Variants in CTSA observed in about 807,000 individuals in gnomAD.
CTSA encodes cathepsin A.
CTSA carries 42 observed loss-of-function variants against 66.7 expected under a neutral mutation model. That is an observed-to-expected ratio of 0.63 (90% CI 0.49 to 0.81). The LOEUF (loss-of-function observed/expected upper bound fraction) is 0.81. CTSA is among the 40% of genes least tolerant of loss of function. The pLI, the probability that CTSA is intolerant of heterozygous loss-of-function variation, is 0.00. For synonymous variants in CTSA, 225 were observed against 248.6 expected, an observed-to-expected ratio of 0.91 and a Z score of 0.89; for missense variants, 525 against 610.9, an observed-to-expected ratio of 0.86 and a Z score of 1.48.
In CTSA at chr20:45,894,834, A is replaced by G; in HGVS notation, c.881A>G (p.Asp294Gly). The G allele has an allele frequency of 3.1e-6, 5 of 1,614,108 alleles. No individual in the cohort carries two copies. Among genetic ancestry groups the G allele is most frequent in the Non-Finnish European group, 3.4e-6 (4 of 1,180,018 alleles). The change falls in exon 10 of 15, where the codon GAC becomes GGC. Residue 294 changes from aspartate (D) to glycine (G), a missense_variant. Transcript: ENST00000646241. ...ACCTCACATTGCAGGTATGAGAAGG[A>G]CACTGTTGTGGTCCAGGATTTGGGC... is the stretch of plus-strand genomic sequence containing the variant. Reference protein sequence around the residue: ...GVPSHFRYEKDTVVVQDLGNI... With the variant: ...GVPSHFRYEKGTVVVQDLGNI...
At chr20:45,892,563 C>T in intron 5 of CTSA, 79 bp downstream of exon 5, 2 of 1,531,116 alleles carry the variant, frequency 1.3e-6, no homozygotes, top group Non-Finnish European at 1.8e-6. Context: ...GAGAGCATGG[C>T]CTTGGAGTCT....
In CTSA at chr20:45,896,560, G is replaced by A. The variant is rs935843797; in HGVS notation, c.1089-405G>A. 19 of 280,870 alleles carry A rather than the reference G, an allele frequency of 6.8e-5. 1 individual carries two copies. In the Admixed American group the frequency reaches 8.2e-4, roughly 12 times the overall value. 17.4% of individuals were successfully genotyped at this position (280,870 alleles called of 1,614,324 possible). ...TGATTCTCCTGCCTCAGCCTTCTGAGTAGCTGGGACTACAGGCACGCACCA... is the reference window on the plus strand; with the variant it reads ...TGATTCTCCTGCCTCAGCCTTCTGAATAGCTGGGACTACAGGCACGCACCA... On this transcript the variant is annotated intron_variant, in intron 11 of 14. Coordinates refer to ENST00000646241, the MANE Select transcript of CTSA (RefSeq NM_000308.4).
Position 45,898,203 on chromosome 20 carries a change from A to T in CTSA, c.1359+94A>T. 7.1e-7 allele frequency: 1 copy of T among 1,417,286 alleles called. No individual in the cohort carries two copies. The highest frequency in any genetic ancestry group is 9.9e-7 in the Non-Finnish European group (1 of 1,014,400). 87.8% of individuals were successfully genotyped at this position (1,417,286 alleles called of 1,614,324 possible). A position where few individuals can be genotyped will look rare whatever the true frequency, so the allele number is the denominator to read the frequency against. On this transcript the variant is annotated intron_variant, in intron 14 of 14. Coordinates refer to ENST00000646241, the MANE Select transcript of CTSA (RefSeq NM_000308.4). The surrounding 1 kb of genome is among the most constrained non-coding windows in gnomAD (Gnocchi z 4.6). Reference sequence around the variant, plus strand: ...CTCTGGCTGCCTTTTAGGCTGGGTCATGGGTCACCATCTGGCCCCTGTATG... The same window carrying T: ...CTCTGGCTGCCTTTTAGGCTGGGTCTTGGGTCACCATCTGGCCCCTGTATG...
In CTSA at chr20:45,891,892, A is replaced by T; in HGVS notation, c.195-24A>T. Reference sequence around the variant, plus strand: ...GGAAAGGGCCCCTCCAACTGCGCCAACCCTGCCCTGACCCCCCTCCCAGGT... The same window carrying T: ...GGAAAGGGCCCCTCCAACTGCGCCATCCCTGCCCTGACCCCCCTCCCAGGT... On this transcript the variant is annotated intron_variant, in intron 2 of 14. Transcript: ENST00000646241. This position sits in a 1 kb window ranked among gnomAD's most constrained non-coding sequence, Gnocchi z 4.6. 8.1e-6 allele frequency: 13 copies of T among 1,611,278 alleles called. No individual in the cohort carries two copies. Among genetic ancestry groups the T allele is most frequent in the Non-Finnish European group, 1.1e-5 (13 of 1,177,570 alleles).
chr20:45,896,844 A>C (rs1191769609), intron 11 of CTSA, 121 bp from the exon 12 acceptor site: 2 of 823,580 alleles, frequency 2.4e-6, no homozygotes, highest in African/African-American at 3.3e-5. Context: ...CAAAAAGGGG[A>C]GTGGAACCCA....
In CTSA at chr20:45,891,900, C is replaced by T. The variant is rs1986972739; in HGVS notation, c.195-16C>T. The T allele has an allele frequency of 6.2e-7, 1 of 1,612,726 alleles. No homozygotes were observed. The highest frequency in any genetic ancestry group is 8.5e-7 in the Non-Finnish European group (1 of 1,178,848). The stretch of plus-strand genomic sequence containing the variant: ...CCCCTCCAACTGCGCCAACCCTGCC[C>T]TGACCCCCCTCCCAGGTTTGTGGAG... On this transcript the variant is annotated splice_polypyrimidine_tract_variant and intron_variant, in intron 2 of 14. Transcript: ENST00000646241. The surrounding 1 kb of genome is among the most constrained non-coding windows in gnomAD (Gnocchi z 4.6).
At chr20:45,897,904 A>G in intron 13 of CTSA, 98 bp downstream of exon 13, 5 of 1,529,748 alleles carry the variant, frequency 3.3e-6, no homozygotes, top group Non-Finnish European at 4.5e-6. Context: ...GCTCTGGCCC[A>G]CAGAGGGCAA....
At position 45,898,576 on chromosome 20, in the gene CTSA, A is replaced by G. The variant is rs1328546969; in HGVS notation, c.*126A>G. Reference sequence around the variant, plus strand: ...GCCGCCAGGACTGCCCCCTTCCCAGAGCCCTGTACATCCCAGACTGGGCCC... The same window carrying G: ...GCCGCCAGGACTGCCCCCTTCCCAGGGCCCTGTACATCCCAGACTGGGCCC... On this transcript the variant is annotated 3_prime_UTR_variant, in exon 15 of 15. Transcript: ENST00000646241. The surrounding 1 kb of genome is among the most constrained non-coding windows in gnomAD (Gnocchi z 4.6). The G allele has an allele frequency of 2.1e-6, 2 of 933,200 alleles. No individual in the cohort carries two copies. The highest frequency in any genetic ancestry group is 3.4e-6 in the Non-Finnish European group (2 of 595,362). The allele number at this position is 933,200 out of a possible 1,614,324, so 57.8% of individuals were successfully genotyped here.
Position 45,898,250 on chromosome 20 carries a change from G to C in CTSA, c.1360-117G>C, listed in dbSNP as rs190566661. The C allele has an allele frequency of 5.3e-5, 69 of 1,303,338 alleles. No individual in the cohort carries two copies. In the East Asian group the frequency reaches 1.6e-3, roughly 31 times the overall value. 80.7% of individuals were successfully genotyped at this position (1,303,338 alleles called of 1,614,324 possible). On this transcript the variant is annotated intron_variant, in intron 14 of 14. Transcript: ENST00000646241. This position sits in a 1 kb window ranked among gnomAD's most constrained non-coding sequence, Gnocchi z 4.6. ...TATGGGCAAGTTTTTTTGGAGAGGG[G>C]TGGGGAGGGTTCTGGGAAGAATAAA...
rs767080763 is a variant in CTSA, at chr20:45,892,766, C to T, written c.486C>T (p.Arg162=). The part of the protein sequence containing the change: ...SNFEALQDFF[R]LFPEYKNNKL... ...TTGAGGCCCTTCAAGATTTCTTCCGCCTCTTTCCGGAGTACAAGAACAACA... is the reference window on the plus strand; with the variant it reads ...TTGAGGCCCTTCAAGATTTCTTCCGTCTCTTTCCGGAGTACAAGAACAACA... The change falls in exon 6 of 15, where the codon CGC becomes CGT. Residue 162 remains arginine (R), a synonymous_variant. Transcript: ENST00000646241. The T allele has an allele frequency of 6.2e-6, 10 of 1,614,242 alleles. No homozygotes were observed. The highest frequency in any genetic ancestry group is 8.5e-6 in the Non-Finnish European group (10 of 1,180,048).
At chr20:45,892,970 C>A in intron 6 of CTSA, 90 bp downstream of exon 6, 1 of 1,473,772 alleles carries the variant, frequency 6.8e-7, no homozygotes, top group Admixed American at 1.9e-5. Flanking sequence ...ATGTCCCCAT[C>A]CAACCCAGCT....
chr20:45,897,244 G>C, intron 12 of CTSA: 1 of 620,338 alleles, frequency 1.6e-6, no homozygotes. Flanking sequence ...GAGGCCTAGG[G>C]GTCTGCATCA....
At position 45,898,020 on chromosome 20, in the gene CTSA, C is replaced by T. The variant is rs1247403237; in HGVS notation, c.1270C>T (p.Arg424Trp). The T allele has an allele frequency of 3.1e-6, 5 of 1,614,006 alleles. No individual in the cohort carries two copies. Among genetic ancestry groups the T allele is most frequent in the South Asian group, 1.1e-5 (1 of 91,086 alleles). The change falls in exon 14 of 15, where the codon CGG becomes TGG. Residue 424 changes from arginine to tryptophan, a missense_variant. Physicochemically the swap from Arg to Trp is moderately radical, Grantham distance 101. Coordinates refer to ENST00000646241, the MANE Select transcript of CTSA (RefSeq NM_000308.4). The surrounding 1 kb of genome is among the most constrained non-coding windows in gnomAD (Gnocchi z 4.6). The stretch of plus-strand genomic sequence containing the variant: ...GGTGGGGCAGATGGAGGTGCAGCGC[C>T]GGCCCTGGTTAGTGAAGTACGGGGA... The part of the protein sequence containing the change: ...SLNQKMEVQR[R>W]PWLVKYGDSG...
intron 11 of CTSA, among the ~76,000 whole-genome samples, chr20:45,895,896 T>C (rs1483748756): frequency 6.6e-6 from 1 of 152,184 alleles, no homozygotes; most frequent in East Asian, 1.9e-4. Flanking sequence ...TCACATTGGT[T>C]AATAACTATT....
At chr20:45,894,098 G>A in intron 8 of CTSA, 26 bp downstream of exon 8, 1 of 1,473,598 alleles carries the variant, frequency 6.8e-7, no homozygotes, top group Non-Finnish European at 9.5e-7. Context: ...CACTTTGCAT[G>A]AGCTCTCCCA....
chr20:45,891,461 C>G lies in CTSA; in HGVS notation c.-1+82C>G. The G allele has an allele frequency of 1.3e-6, 2 of 1,545,494 alleles. No individual in the cohort carries two copies. The highest frequency in any genetic ancestry group is 1.7e-6 in the Non-Finnish European group (2 of 1,144,878). ...GAGGAGGCTCGCGGGTGGGAGCTGG[C>G]GCTGGGGCCGGGGCTTCCCTCGCGG... On this transcript the variant is annotated intron_variant, in intron 1 of 14. Transcript: ENST00000646241. The surrounding 1 kb of genome is among the most constrained non-coding windows in gnomAD (Gnocchi z 4.6).
At position 45,898,156 on chromosome 20, in the gene CTSA, G is replaced by A. The variant is rs1314050446; in HGVS notation, c.1359+47G>A. 6.3e-7 allele frequency: 1 copy of A among 1,577,928 alleles called. No homozygotes were observed. The highest frequency in any genetic ancestry group is 2.2e-5 in the East Asian group (1 of 44,662). ...AGATAACTGGGCCGGAGGCAAAGGA[G>A]CAGGACCCACCCGTCCTTTCCCTCT... On this transcript the variant is annotated intron_variant, in intron 14 of 14. Transcript: ENST00000646241. This position sits in a 1 kb window ranked among gnomAD's most constrained non-coding sequence, Gnocchi z 4.6.
At position 45,897,769 on chromosome 20, in the gene CTSA, T is replaced by A. The variant is rs137854548; in HGVS notation, c.1217T>A (p.Met406Lys). Residue 406 changes from methionine to lysine, a missense_variant, in exon 13 of 15, where the codon ATG becomes AAG. This residue lies in a region of CTSA where 274 missense variants were observed against 321.1 expected (regional missense o/e 0.85). Coordinates refer to ENST00000646241, the MANE Select transcript of CTSA (RefSeq NM_000308.4). ...GATGTAGACATGGCCTGCAATTTCA[T>A]GGGGGATGAGTGGTTTGTGGATTCC... ...NGDVDMACNF[M>K]GDEWFVDSLN... is the part of the protein sequence containing the mutation. 6.2e-7 allele frequency: 1 copy of A among 1,612,476 alleles called. No individual in the cohort carries two copies. The highest frequency in any genetic ancestry group is 1.3e-5 in the African/African-American group (1 of 74,822).
At position 45,894,936 on chromosome 20, in the gene CTSA, G is replaced by C. The variant is rs1568764872; in HGVS notation, c.948+35G>C. 3.1e-6 allele frequency: 5 copies of C among 1,613,824 alleles called. No individual in the cohort carries two copies. The East Asian group carries it at 1.1e-4, about 36-fold the overall frequency. On this transcript the variant is annotated intron_variant, in intron 10 of 14. Coordinates refer to ENST00000646241, the MANE Select transcript of CTSA (RefSeq NM_000308.4). Reference sequence around the variant, plus strand: ...GGCGTGGGCTTCCTCCTGGTGAGGTGGGGGCAGGGGGAGGGGCAGGGAAGC... The same window carrying C: ...GGCGTGGGCTTCCTCCTGGTGAGGTCGGGGCAGGGGGAGGGGCAGGGAAGC...
Sources: allele counts gnomAD v4.1 joint callset (sites outside exome capture counted in the v4.1 genomes callset), GRCh38; gene constraint gnomAD v4.1.1; regional missense constraint gnomAD v4.1.1; non-coding constraint Gnocchi (gnomAD v3.1); transcripts MANE v1.5; gene names NCBI Gene and HGNC (gene_info 2026-07-23, HGNC 2026-07-21).